Variants in R3HDM1 observed in about 807,000 individuals in gnomAD.
The protein encoded by R3HDM1 is R3H domain-containing protein 1.
R3HDM1 carries 46 observed loss-of-function variants against 141.1 expected under a neutral mutation model. That is an observed-to-expected ratio of 0.33 (90% CI 0.26 to 0.42). The LOEUF is 0.42. Ranked by LOEUF, R3HDM1 falls within the 10% of genes least tolerant of loss-of-function variation. The pLI, the probability that R3HDM1 is intolerant of heterozygous loss-of-function variation, is 1.00. For synonymous variants in R3HDM1, 435 were observed against 472.9 expected (o/e 0.92, Z 1.04); for missense variants, 1,184 against 1,368.3 (o/e 0.87, Z 2.12).
intron 19 of R3HDM1, among the ~76,000 whole-genome samples, chr2:135,663,105 C>G (rs2066950340): frequency 7.3e-6 from 1 of 136,832 alleles, no homozygotes; most frequent in Non-Finnish European, 1.5e-5. Context: ...CAGGTTGGGA[C>G]TAGTGTGCTA....
rs142863932 is a variant in R3HDM1, at chr2:135,700,599, G to A, written c.2460-8834G>A. 4.6e-5 allele frequency among the ~76,000 whole-genome samples: 7 copies of A among 152,258 alleles called. No homozygotes were observed. The East Asian group carries it at 9.6e-4, about 21-fold the overall frequency. On this transcript the variant is annotated intron_variant, in intron 21 of 26. Transcript: ENST00000683871. ...CTGTTCATAAATTTTCAAAGACATC[G>A]CTTCTAGTAGTCACTAAAAGCTGTA...
intron 7 of R3HDM1, among the ~76,000 whole-genome samples, chr2:135,626,260 A>C (rs1348625592): frequency 8.0e-6 from 1 of 124,592 alleles, no homozygotes; most frequent in African/African-American, 3.9e-5. Context: ...GGTGGAGAGA[A>C]ATCTCCACAT....
intron 1 of R3HDM1, among the ~76,000 whole-genome samples, chr2:135,573,382 G>A (rs1455959432): frequency 6.6e-6 from 1 of 152,128 alleles, no homozygotes; most frequent in Non-Finnish European, 1.5e-5. Context: ...ATCCTGGCAT[G>A]TGATCTCTTC....
At chr2:135,575,962 G>A (rs1422018354) in intron 1 of R3HDM1, among the ~76,000 whole-genome samples, 1 of 152,116 alleles carries the variant, frequency 6.6e-6, no homozygotes, top group African/African-American at 2.4e-5. Context: ...AACTGCTGGT[G>A]GGACTAGCTC....
chr2:135,647,336 A>G (rs1033683883), intron 16 of R3HDM1, among the ~76,000 whole-genome samples: 3 of 152,218 alleles, frequency 2.0e-5, no homozygotes, highest in African/African-American at 7.2e-5. Flanking sequence ...GTATTTTACC[A>G]GGAGCTTTAA....
intron 21 of R3HDM1, among the ~76,000 whole-genome samples, chr2:135,705,119 G>A (rs2074736416): frequency 6.6e-6 from 1 of 152,144 alleles, no homozygotes; most frequent in African/African-American, 2.4e-5. Flanking sequence ...TTTCATAAAT[G>A]GCAACATGTA....
chr2:135,558,160 T>C (rs1416442963), intron 1 of R3HDM1, among the ~76,000 whole-genome samples: 1 of 152,232 alleles, frequency 6.6e-6, no homozygotes, highest in Non-Finnish European at 1.5e-5. Flanking sequence ...TTTTCACACA[T>C]TGGTACCATC....
At chr2:135,549,770 G>A (rs113263941) in intron 1 of R3HDM1, among the ~76,000 whole-genome samples, 1 of 152,066 alleles carries the variant, frequency 6.6e-6, no homozygotes, top group Non-Finnish European at 1.5e-5. Context: ...AAATGGAATG[G>A]GTGTTTTACG....
At chr2:135,592,622 T>C (rs955187347) in intron 1 of R3HDM1, among the ~76,000 whole-genome samples, 1 of 152,216 alleles carries the variant, frequency 6.6e-6, no homozygotes, top group Non-Finnish European at 1.5e-5. Context: ...TCTCACATCC[T>C]TATTATCCAT....
intron 1 of R3HDM1, among the ~76,000 whole-genome samples, chr2:135,551,182 CT>C (rs1699775869): frequency 6.6e-6 from 1 of 152,202 alleles, no homozygotes; most frequent in Admixed American, 6.5e-5. Context: ...ATCGTTAACA[CT>C]TTTATCTAGC....
Position 135,721,909 on chromosome 2 carries a change from T to G in R3HDM1, c.2882-15T>G. 1 of 1,606,528 alleles carries G rather than the reference T, an allele frequency of 6.2e-7. No homozygotes were observed. Among genetic ancestry groups the G allele is most frequent in the Non-Finnish European group, 8.5e-7 (1 of 1,173,548 alleles). On this transcript the variant is annotated splice_polypyrimidine_tract_variant and intron_variant, in intron 24 of 26. Transcript: ENST00000683871. ...GGCCTCTGGCAATAAAATAAAATATTTTATTGACTTTCAGGAGATTCCAGG... is the reference window on the plus strand; with the variant it reads ...GGCCTCTGGCAATAAAATAAAATATGTTATTGACTTTCAGGAGATTCCAGG...
chr2:135,559,091 G>GTGTGTGTGTGCA (rs1553526541), intron 1 of R3HDM1: 3 of 897,102 alleles, frequency 3.3e-6, no homozygotes, highest in Non-Finnish European at 4.0e-6. Flanking sequence ...GTGTGTGTGT[G>GTGTGTGTGTGCA]TGCATGCGTG....
intron 7 of R3HDM1, among the ~76,000 whole-genome samples, chr2:135,631,370 C>G (rs985615387): frequency 3.4e-5 from 5 of 147,502 alleles, no homozygotes; most frequent in African/African-American, 1.3e-4. Flanking sequence ...CTAAGCAGAT[C>G]AAAATACATT....
intron 21 of R3HDM1, among the ~76,000 whole-genome samples, chr2:135,686,399 C>T (rs1046979072): frequency 1.3e-5 from 2 of 152,168 alleles, no homozygotes; most frequent in Non-Finnish European, 2.9e-5. Flanking sequence ...GCATTATTCA[C>T]AATAGCCAAG....
intron 7 of R3HDM1, 145 bp downstream of exon 7, chr2:135,622,877 ATGT>A (rs2061639224): frequency 1.1e-5 from 15 of 1,355,420 alleles, no homozygotes; most frequent in African/African-American, 2.9e-5. Context: ...TAGGGCAAAG[ATGT>A]TGTTGGTCTA....
chr2:135,665,228 AGT>A (rs2067312637), intron 19 of R3HDM1, among the ~76,000 whole-genome samples: 2 of 152,342 alleles, frequency 1.3e-5, no homozygotes, highest in South Asian at 4.1e-4. Flanking sequence ...GCATATAAGG[AGT>A]GTGGTATAGT....
chr2:135,533,906 G>GTA (rs1559070947), intron 1 of R3HDM1: 1 of 762,102 alleles, frequency 1.3e-6, no homozygotes, highest in East Asian at 1.3e-4. Context: ...TAGAGGTAAA[G>GTA]TATGTAAATC....
chr2:135,552,429 C>T lies in R3HDM1; in HGVS notation c.-250+20796C>T, dbSNP rs903583281. Among the ~76,000 whole-genome samples the T allele has an allele frequency of 4.3e-4, 66 of 152,094 alleles. 1 individual carries two copies. Among genetic ancestry groups the T allele is most frequent in the Non-Finnish European group, 7.4e-5 (5 of 67,998 alleles). ...CAGGCTGGTCTCGAACTCCTGACCT[C>T]AAGTGATCCACCCGCCTCAGCCTCC... On this transcript the variant is annotated intron_variant, in intron 1 of 26. Transcript: ENST00000683871.
chr2:135,566,575 A>T (rs1336565201), intron 1 of R3HDM1: 2 of 164,376 alleles, frequency 1.2e-5, no homozygotes, highest in Non-Finnish European at 2.5e-5. Context: ...TGAATGCCAG[A>T]TTATTAATTT....
Sources: gnomAD v4.1 joint callset for allele counts (sites outside exome capture counted in the v4.1 genomes callset) on GRCh38, gnomAD v4.1.1 for gene constraint, MANE v1.5 for transcripts, NCBI Gene and HGNC (gene_info 2026-07-23, HGNC 2026-07-21) for gene names.